The following PHYHIP variants were observed in gnomAD, a reference collection of about 807,000 sequenced individuals.
PHYHIP encodes the protein phytanoyl-CoA 2-hydroxylase interacting protein, also known as phytanoyl-CoA hydroxylase-interacting protein.
A neutral mutation model predicts 26.1 loss-of-function variants in PHYHIP; 7 were observed. That is an observed-to-expected ratio of 0.27 (90% CI 0.15 to 0.50). PHYHIP has a LOEUF of 0.50. Ranked by LOEUF, PHYHIP falls within the 20% of genes least tolerant of loss-of-function variation. The pLI is 0.98. For missense variants in PHYHIP, 232 were observed against 454.7 expected (o/e 0.51, Z 4.45); for synonymous variants, 206 against 183.4 (o/e 1.12, Z -1.00).
intron 2 of PHYHIP, chr8:22,227,563 C>G: frequency 2.2e-6 from 1 of 455,582 alleles, no homozygotes; most frequent in Non-Finnish European, 4.4e-6. Context: ...CCGCCTCACT[C>G]CCCCTGCCTC....
intron 1 of PHYHIP, 66 bp from the exon 2 acceptor site, chr8:22,228,452 C>G (rs1013938432): frequency 4.5e-6 from 4 of 881,666 alleles, no homozygotes; most frequent in Non-Finnish European, 7.1e-6. Context: ...TGTCCTCCTC[C>G]CAATATCCCT....
intron 4 of PHYHIP, among the ~76,000 whole-genome samples, chr8:22,223,096 C>T (rs1379247041): frequency 1.3e-5 from 2 of 152,084 alleles, no homozygotes; most frequent in South Asian, 2.1e-4. Context: ...GGCGTGGTGG[C>T]TCATGCCTGT....
Position 22,221,638 on chromosome 8 carries a change from G to A in PHYHIP, c.708C>T (p.Ile236=), listed in dbSNP as rs559760696. 1.2e-6 allele frequency: 2 copies of A among 1,613,560 alleles called. No homozygotes were observed. The highest frequency in any genetic ancestry group is 1.7e-6 in the Non-Finnish European group (2 of 1,179,824). ...GGGAGCCTTTGGGCGCCAGCACCAG[G>A]ATGGCGTAGTGGTAGGCCGTGTACA... The part of the protein sequence containing the change: ...YCMYTAYHYA[I]LVLAPKGSLG... Residue 236 remains isoleucine (I), a synonymous_variant, in exon 5 of 5, where the codon ATC becomes ATT. Coordinates refer to ENST00000454243, the MANE Select transcript of PHYHIP (RefSeq NM_014759.5). This position sits in a 1 kb window ranked among gnomAD's most constrained non-coding sequence, Gnocchi z 7.9.
At chr8:22,230,244 C>T (rs941570185) in intron 1 of PHYHIP, among the ~76,000 whole-genome samples, 3 of 152,006 alleles carry the variant, frequency 2.0e-5, no homozygotes, top group African/African-American at 7.2e-5. Flanking sequence ...CAGACACACT[C>T]CTACCCAAGA....
In PHYHIP at chr8:22,221,226, G is replaced by A; in HGVS notation, c.*127C>T. Reference sequence around the variant, plus strand: ...GTTGCCTCCAATGCCAAGGGGCGAGGGGAGGGCAGCTGGGCAGAGTGGAGG... The same window carrying A: ...GTTGCCTCCAATGCCAAGGGGCGAGAGGAGGGCAGCTGGGCAGAGTGGAGG... On this transcript the variant is annotated 3_prime_UTR_variant, in exon 5 of 5. Transcript: ENST00000454243. The surrounding 1 kb of genome is among the most constrained non-coding windows in gnomAD (Gnocchi z 7.9). 1.1e-6 allele frequency: 1 copy of A among 902,204 alleles called. No individual in the cohort carries two copies. The highest frequency in any genetic ancestry group is 1.6e-6 in the Non-Finnish European group (1 of 614,804). The allele number at this position is 902,204 out of a possible 1,614,324, so 55.9% of individuals were successfully genotyped here.
chr8:22,222,072 A>T (rs748929185), intron 4 of PHYHIP, among the ~76,000 whole-genome samples, 185 bp from the exon 5 acceptor site: 26 of 152,104 alleles, frequency 1.7e-4, no homozygotes, highest in South Asian at 2.1e-4. Context: ...GGCCCTGGAG[A>T]GGGATTCAAC....
intron 3 of PHYHIP, among the ~76,000 whole-genome samples, chr8:22,225,854 T>C (rs7837693): frequency 1.3e-3 from 196 of 148,680 alleles, no homozygotes; most frequent in African/African-American, 4.7e-3. Flanking sequence ...AAAGCACCAC[T>C]CAAAAGACAA....
chr8:22,228,439 G>T, intron 1 of PHYHIP, 53 bp from the exon 2 acceptor site: 1 of 1,048,524 alleles, frequency 9.5e-7, no homozygotes, highest in Non-Finnish European at 1.4e-6. Context: ...GAGCTTTCTG[G>T]AATGTCCTCC....
intron 4 of PHYHIP, among the ~76,000 whole-genome samples, chr8:22,222,869 T>G (rs999300110): frequency 2.7e-5 from 4 of 150,422 alleles, no homozygotes; most frequent in African/African-American, 1.0e-4. Flanking sequence ...TTCTTTAAAT[T>G]TTTTGCAGAG....
At chr8:22,228,591 C>T (rs933189532) in intron 1 of PHYHIP, 3 of 480,124 alleles carry the variant, frequency 6.2e-6, no homozygotes, top group Non-Finnish European at 7.5e-6. Flanking sequence ...GGGCTCTTTG[C>T]TCTCCTCGGA....
At chr8:22,222,913 T>G (rs1048616396) in intron 4 of PHYHIP, among the ~76,000 whole-genome samples, 7 of 152,286 alleles carry the variant, frequency 4.6e-5, no homozygotes, top group Middle Eastern at 3.4e-3. Flanking sequence ...AGGCTAGTCT[T>G]GAACTCTTGG....
At chr8:22,223,279 T>C (rs142126196) in intron 4 of PHYHIP, among the ~76,000 whole-genome samples, 2,490 of 151,474 alleles carry the variant, frequency 0.016, 79 homozygotes, top group African/African-American at 0.055. Flanking sequence ...GGAGAATCAT[T>C]TTAACCCAGA....
chr8:22,227,042 A>C lies in PHYHIP; in HGVS notation c.166-17T>G. ...GGGGACGTCCTGAGAAACAGGGTAC[A>C]AACAGAGAGCCAGGCGTCAAACAGG... is the stretch of plus-strand genomic sequence containing the variant. On this transcript the variant is annotated splice_polypyrimidine_tract_variant and intron_variant, in intron 2 of 4. Coordinates refer to ENST00000454243, the MANE Select transcript of PHYHIP (RefSeq NM_014759.5). The C allele has an allele frequency of 6.3e-7, 1 of 1,598,026 alleles. No homozygotes were observed. Among genetic ancestry groups the C allele is most frequent in the Non-Finnish European group, 8.5e-7 (1 of 1,171,864 alleles).
intron 4 of PHYHIP, chr8:22,223,664 A>C (rs1829680444): frequency 6.6e-6 from 1 of 152,362 alleles, no homozygotes; most frequent in African/African-American, 2.4e-5. Context: ...TATACGTGGA[A>C]GGGTCACAGG....
chr8:22,230,106 A>G (rs563327190), intron 1 of PHYHIP, among the ~76,000 whole-genome samples: 2 of 152,234 alleles, frequency 1.3e-5, no homozygotes, highest in Non-Finnish European at 2.9e-5. Flanking sequence ...ATAATAAACC[A>G]GTTTGTAATT....
At position 22,221,749 on chromosome 8, in the gene PHYHIP, G is replaced by A. The variant is rs781251981; in HGVS notation, c.597C>T (p.Ser199=). 1 of 1,613,256 alleles carries A rather than the reference G, an allele frequency of 6.2e-7. No individual in the cohort carries two copies. Among genetic ancestry groups the A allele is most frequent in the East Asian group, 2.2e-5 (1 of 44,860 alleles). Residue 199 remains serine (S), a synonymous_variant, in exon 5 of 5, where the codon TCC becomes TCT. Coordinates refer to ENST00000454243, the MANE Select transcript of PHYHIP (RefSeq NM_014759.5). This position sits in a 1 kb window ranked among gnomAD's most constrained non-coding sequence, Gnocchi z 7.9. The stretch of plus-strand genomic sequence containing the variant: ...TCTGGAAGCGCCAGCGGCCGTAGGG[G>A]GAGTCCTGCGGGGGCTGGCCCGTGT... ...EFNTGQPPQD[S]PYGRWRFQIP...
At position 22,221,745 on chromosome 8, in the gene PHYHIP, A is replaced by G; in HGVS notation, c.601T>C (p.Tyr201His). The change falls in exon 5 of 5, where the codon TAC (tyrosine) becomes CAC (histidine). Residue 201 changes from tyrosine to histidine, a missense_variant. Transcript: ENST00000454243. The surrounding 1 kb of genome is among the most constrained non-coding windows in gnomAD (Gnocchi z 7.9). ...NTGQPPQDSP[Y>H]GRWRFQIPAQ... ...GGGATCTGGAAGCGCCAGCGGCCGTAGGGGGAGTCCTGCGGGGGCTGGCCC... is the reference window on the plus strand; with the variant it reads ...GGGATCTGGAAGCGCCAGCGGCCGTGGGGGGAGTCCTGCGGGGGCTGGCCC... 6.2e-7 allele frequency: 1 copy of G among 1,613,274 alleles called. No homozygotes were observed. Among genetic ancestry groups the G allele is most frequent in the Non-Finnish European group, 8.5e-7 (1 of 1,179,824 alleles).
At position 22,221,982 on chromosome 8, in the gene PHYHIP, A is replaced by T. The variant is rs535163704; in HGVS notation, c.459-95T>A. On this transcript the variant is annotated intron_variant, in intron 4 of 4. Coordinates refer to ENST00000454243, the MANE Select transcript of PHYHIP (RefSeq NM_014759.5). This position sits in a 1 kb window ranked among gnomAD's most constrained non-coding sequence, Gnocchi z 7.9. ...TGCTGCGTGTGGTCGAGGAGGGAGG[A>T]AGCCAGCCCAGCTCCCAGCCCTCCC... The T allele has an allele frequency of 9.1e-7, 1 of 1,093,834 alleles. No individual in the cohort carries two copies. Among genetic ancestry groups the T allele is most frequent in the African/African-American group, 1.6e-5 (1 of 62,970 alleles). The allele number at this position is 1,093,834 out of a possible 1,614,324, so 67.8% of individuals were successfully genotyped here.
chr8:22,221,902 G>A lies in PHYHIP; in HGVS notation c.459-15C>T, dbSNP rs1445379325. The A allele has an allele frequency of 2.0e-6, 3 of 1,490,724 alleles. No homozygotes were observed. The highest frequency in any genetic ancestry group is 2.7e-5 in the South Asian group (2 of 75,072). 92.3% of individuals were successfully genotyped at this position (1,490,724 alleles called of 1,614,324 possible). A position where few individuals can be genotyped will look rare whatever the true frequency, so the allele number is the denominator to read the frequency against. On this transcript the variant is annotated splice_polypyrimidine_tract_variant and intron_variant, in intron 4 of 4. Coordinates refer to ENST00000454243, the MANE Select transcript of PHYHIP (RefSeq NM_014759.5). The surrounding 1 kb of genome is among the most constrained non-coding windows in gnomAD (Gnocchi z 7.9). ...CGCAGTGGGTCCTGCCCACCCCAGGGAGACACACCAAAGGGAAGAGAAGAT... is the reference window on the plus strand; with the variant it reads ...CGCAGTGGGTCCTGCCCACCCCAGGAAGACACACCAAAGGGAAGAGAAGAT...
Sources: gnomAD v4.1 joint callset for allele counts (sites outside exome capture counted in the v4.1 genomes callset) on GRCh38, gnomAD v4.1.1 for gene constraint, Gnocchi (gnomAD v3.1) non-coding constraint, MANE v1.5 for transcripts, NCBI Gene and HGNC (gene_info 2026-07-23, HGNC 2026-07-21) for gene names.